Variants in OPRD1 observed in about 807,000 individuals in gnomAD.
OPRD1 encodes opioid receptor delta 1, also known as delta-type opioid receptor.
In OPRD1, 19 loss-of-function variants were observed where a neutral mutation model predicts 17.5. The ratio of observed to expected loss-of-function variants is 1.09; its 90% CI spans 0.76 to 1.60. OPRD1 has a LOEUF of 1.60. Ranked by LOEUF, OPRD1 falls within the 40% of genes most tolerant of loss-of-function variation. The pLI is 0.00. For missense variants in OPRD1, 483 were observed against 547.2 expected, an observed-to-expected ratio of 0.88 and a Z score of 1.17; for synonymous variants, 256 against 240.9, an observed-to-expected ratio of 1.06 and a Z score of -0.58.
intron 1 of OPRD1, among the ~76,000 whole-genome samples, chr1:28,841,272 C>T (rs1163227404): frequency 2.6e-5 from 4 of 152,206 alleles, no homozygotes; most frequent in Non-Finnish European, 4.4e-5. Context: ...AAACCAGAGC[C>T]GGGTTGGGGA....
At chr1:28,840,638 G>T (rs952182260) in intron 1 of OPRD1, among the ~76,000 whole-genome samples, 1 of 152,076 alleles carries the variant, frequency 6.6e-6, no homozygotes. Flanking sequence ...TGTAAAATAC[G>T]GGGCCAGGCG....
intron 1 of OPRD1, among the ~76,000 whole-genome samples, chr1:28,815,741 C>T (rs1018721744): frequency 1.3e-5 from 2 of 152,194 alleles, no homozygotes; most frequent in Non-Finnish European, 2.9e-5. Flanking sequence ...AGTACATGAG[C>T]CGGCTGCTGG....
At chr1:28,823,387 GTTTATTTATTTA>G (rs3079037) in intron 1 of OPRD1, among the ~76,000 whole-genome samples, 34 of 141,018 alleles carry the variant, frequency 2.4e-4, no homozygotes, top group African/African-American at 9.2e-4. Flanking sequence ...TTATTTGTTT[GTTTATTTATTTA>G]TTTATTTATT....
At chr1:28,851,554 T>C (rs1411838824) in intron 1 of OPRD1, among the ~76,000 whole-genome samples, 2 of 152,070 alleles carry the variant, frequency 1.3e-5, no homozygotes, top group African/African-American at 4.8e-5. Flanking sequence ...TGGTGTAGAA[T>C]AGAAAGCAAA....
chr1:28,862,036 C>T (rs546177797), intron 2 of OPRD1, among the ~76,000 whole-genome samples: 43 of 152,034 alleles, frequency 2.8e-4, no homozygotes, highest in Middle Eastern at 6.8e-3. Flanking sequence ...CTCAGCCTCC[C>T]GAGGAGCTGG....
At chr1:28,836,008 G>A (rs529086528) in intron 1 of OPRD1, among the ~76,000 whole-genome samples, 31 of 152,184 alleles carry the variant, frequency 2.0e-4, no homozygotes, top group Non-Finnish European at 3.4e-4. Context: ...CATAGTGAGC[G>A]CTCGTAAACG....
rs567851719 is a variant in OPRD1 at position 28,817,321 on chromosome 1, C to T, written c.227+4711C>T. On this transcript the variant is annotated intron_variant, in intron 1 of 2. Coordinates refer to ENST00000234961, the MANE Select transcript of OPRD1 (RefSeq NM_000911.4). Reference sequence around the variant, plus strand: ...AGATGAGATGATGTTGGCAAAGCACCGCGTTTTCCCTCCTATCTGAGGTGA... The same window carrying T: ...AGATGAGATGATGTTGGCAAAGCACTGCGTTTTCCCTCCTATCTGAGGTGA... Among the ~76,000 whole-genome samples, 6 of 152,238 alleles carry T rather than the reference C, an allele frequency of 3.9e-5. No individual in the cohort carries two copies. The South Asian group carries it at 6.2e-4, about 16-fold the overall frequency.
chr1:28,842,739 CT>C (rs1263009942), intron 1 of OPRD1, among the ~76,000 whole-genome samples: 1 of 152,090 alleles, frequency 6.6e-6, no homozygotes, highest in Non-Finnish European at 1.5e-5. Context: ...TCCCTACCCC[CT>C]GATTGGATCC....
intron 1 of OPRD1, among the ~76,000 whole-genome samples, chr1:28,820,372 T>G (rs1242504958): frequency 1.3e-5 from 2 of 151,760 alleles, no homozygotes; most frequent in African/African-American, 4.8e-5. Context: ...TTTTTGTATT[T>G]TTAGTAGAGA....
intron 1 of OPRD1, among the ~76,000 whole-genome samples, chr1:28,852,164 T>TAAAAAAACAAAAAAAAAA (rs2089010149): frequency 1.2e-5 from 1 of 86,752 alleles, no homozygotes; most frequent in Non-Finnish European, 2.2e-5. Flanking sequence ...AAACTCCATG[T>TAAAAAAACAAAAAAAAAA]AAAAAAAAAA....
chr1:28,850,842 T>C (rs1013087156), intron 1 of OPRD1, among the ~76,000 whole-genome samples: 1 of 149,058 alleles, frequency 6.7e-6, no homozygotes, highest in African/African-American at 2.5e-5. Context: ...AAAAGGTCAA[T>C]GGAAGAATCG....
intron 1 of OPRD1, among the ~76,000 whole-genome samples, chr1:28,822,376 A>AGGT (rs2088723289): frequency 1.3e-5 from 2 of 152,056 alleles, no homozygotes; most frequent in East Asian, 3.9e-4. Context: ...CACTGGGTGG[A>AGGT]GGTTTGGCCC....
chr1:28,830,620 A>T (rs1228699463), intron 1 of OPRD1, among the ~76,000 whole-genome samples: 2 of 152,236 alleles, frequency 1.3e-5, no homozygotes, highest in Non-Finnish European at 2.9e-5. Context: ...GAATTACCAA[A>T]ATATGACATA....
At chr1:28,823,639 C>T (rs2088735927) in intron 1 of OPRD1, among the ~76,000 whole-genome samples, 1 of 151,958 alleles carries the variant, frequency 6.6e-6, no homozygotes, top group Admixed American at 6.6e-5. Flanking sequence ...TGTGATCCGC[C>T]TGCCTTGGTC....
intron 1 of OPRD1, among the ~76,000 whole-genome samples, chr1:28,852,164 T>TAAAAAAA (rs71030305): frequency 1.0e-4 from 9 of 86,740 alleles, no homozygotes; most frequent in Non-Finnish European, 2.0e-4. Flanking sequence ...AAACTCCATG[T>TAAAAAAA]AAAAAAAAAA....
chr1:28,849,282 C>T (rs138229276), intron 1 of OPRD1, among the ~76,000 whole-genome samples: 114 of 152,146 alleles, frequency 7.5e-4, no homozygotes, highest in Middle Eastern at 6.8e-3. Flanking sequence ...GACTCCCGGG[C>T]CCTTTCTCCA....
chr1:28,826,082 C>T (rs547838957), intron 1 of OPRD1, among the ~76,000 whole-genome samples: 2 of 152,280 alleles, frequency 1.3e-5, no homozygotes, highest in East Asian at 3.9e-4. Flanking sequence ...GTGAAGTCAA[C>T]CGAAACAGGC....
At chr1:28,837,184 G>C (rs2088860465) in intron 1 of OPRD1, among the ~76,000 whole-genome samples, 3 of 152,282 alleles carry the variant, frequency 2.0e-5, no homozygotes. Flanking sequence ...TGCATATGTA[G>C]TTCACAGTAG....
chr1:28,820,351 T>C (rs1039430683), intron 1 of OPRD1, among the ~76,000 whole-genome samples: 3 of 151,678 alleles, frequency 2.0e-5, no homozygotes, highest in Admixed American at 1.3e-4. Flanking sequence ...TGTGCCAACA[T>C]ACTAGGCTAA....
Sources: allele counts gnomAD v4.1 joint callset (sites outside exome capture counted in the v4.1 genomes callset), GRCh38; gene constraint gnomAD v4.1.1; transcripts MANE v1.5; gene names NCBI Gene and HGNC (gene_info 2026-07-23, HGNC 2026-07-21).